ABCA13: variants seen among roughly 807,000 people sequenced by gnomAD.
The protein encoded by ABCA13 is ATP-binding cassette sub-family A member 13.
A neutral mutation model predicts 478.7 loss-of-function variants in ABCA13; 476 were observed. The ratio of observed to expected loss-of-function variants is 0.99; its 90% CI spans 0.92 to 1.07. ABCA13 has a LOEUF of 1.07. Among genes scored for constraint, ABCA13 ranks in the 50% least tolerant of loss-of-function variants. The probability of loss-of-function intolerance (pLI) is 0.00; values close to 1 mark genes in which losing one functional copy is unlikely to be tolerated. For missense variants in ABCA13, 6,060 were observed against 5,910.6 expected, an observed-to-expected ratio of 1.03 and a Z score of -0.83; for synonymous variants, 2,252 against 2,158.9, an observed-to-expected ratio of 1.04 and a Z score of -1.20.
At chr7:48,334,126 C>CGT (rs1463968064) in intron 27 of ABCA13, among the ~76,000 whole-genome samples, 8 of 151,876 alleles carry the variant, frequency 5.3e-5, no homozygotes, top group East Asian at 1.9e-4. Context: ...TGTGTGTGTA[C>CGT]GTGTGTGTGT....
chr7:48,362,837 T>C (rs1374862334), intron 31 of ABCA13, among the ~76,000 whole-genome samples: 1 of 152,108 alleles, frequency 6.6e-6, no homozygotes, highest in Non-Finnish European at 1.5e-5. Flanking sequence ...AATGTTGCCT[T>C]TTGTACTGTT....
chr7:48,635,546 T>G (rs1794565456), intron 59 of ABCA13, among the ~76,000 whole-genome samples: 1 of 152,180 alleles, frequency 6.6e-6, no homozygotes, highest in Admixed American at 6.5e-5. Flanking sequence ...ATTTAAAGCC[T>G]CTGTCTAATG....
chr7:48,465,772 A>G (rs1461074501), intron 43 of ABCA13, among the ~76,000 whole-genome samples: 2 of 151,918 alleles, frequency 1.3e-5, no homozygotes, highest in East Asian at 3.9e-4. Flanking sequence ...GTGCTATCGA[A>G]CACTAGTACC....
Position 48,273,376 on chromosome 7 carries a change from C to T in ABCA13, c.3710C>T (p.Ala1237Val). ...CTGGATCTCAGGGATTTTTTGGTAG[C>T]TTTAGGTAATGCATTAGTTTCAGTA... is the stretch of plus-strand genomic sequence containing the variant. ...DFLDLRDFLV[A>V]LGNALVSVKK... Residue 1237 changes from alanine (A) to valine (V), a missense_variant, in exon 17 of 62, where the codon GCT becomes GTT. Around this residue, in one of 3 missense-constraint regions of ABCA13, gnomAD observed 4,423 missense variants for 4,309.1 expected, o/e 1.03. Transcript: ENST00000435803. 1.2e-6 allele frequency: 2 copies of T among 1,613,578 alleles called. No individual in the cohort carries two copies. The highest frequency in any genetic ancestry group is 1.7e-6 in the Non-Finnish European group (2 of 1,179,720).
chr7:48,194,978 T>C (rs1210572880), intron 2 of ABCA13, among the ~76,000 whole-genome samples: 1 of 152,178 alleles, frequency 6.6e-6, no homozygotes, highest in Non-Finnish European at 1.5e-5. Flanking sequence ...TATTAGACTG[T>C]AGTGGGAAAA....
At chr7:48,553,769 A>C (rs1785532972) in intron 55 of ABCA13, among the ~76,000 whole-genome samples, 1 of 151,684 alleles carries the variant, frequency 6.6e-6, no homozygotes, top group African/African-American at 2.4e-5. Context: ...CTGTCTCTTC[A>C]CTTTGTTGGT....
rs955330247 is a variant in ABCA13 at position 48,618,674 on chromosome 7, C to G, written c.14837+3297C>G. ...GAAATAGGGCAAGCAGGCCTAGGATCTGCTACTTTGAATAACTTTAGTGGG... is the reference window on the plus strand; with the variant it reads ...GAAATAGGGCAAGCAGGCCTAGGATGTGCTACTTTGAATAACTTTAGTGGG... On this transcript the variant is annotated intron_variant, in intron 59 of 61. Coordinates refer to ENST00000435803, the MANE Select transcript of ABCA13 (RefSeq NM_152701.5). Among the ~76,000 whole-genome samples the G allele has an allele frequency of 3.9e-5, 6 of 152,214 alleles. No homozygotes were observed. The East Asian group carries it at 1.2e-3, about 29-fold the overall frequency.
chr7:48,251,711 T>C (rs912741245), intron 15 of ABCA13, among the ~76,000 whole-genome samples: 1 of 152,034 alleles, frequency 6.6e-6, no homozygotes, highest in African/African-American at 2.4e-5. Context: ...ATTATTTTCT[T>C]TCTTCTAGTA....
chr7:48,367,313 T>C (rs1382809532), intron 31 of ABCA13, among the ~76,000 whole-genome samples: 2 of 152,194 alleles, frequency 1.3e-5, no homozygotes, highest in South Asian at 2.1e-4. Context: ...TTCAAGTGTA[T>C]ATTAGAAATG....
At chr7:48,399,736 A>G (rs1016399434) in intron 38 of ABCA13, among the ~76,000 whole-genome samples, 2 of 152,198 alleles carry the variant, frequency 1.3e-5, no homozygotes, top group African/African-American at 4.8e-5. Flanking sequence ...GACAACAGCA[A>G]TGACAACAAC....
At chr7:48,546,923 T>G (rs1275836492) in intron 55 of ABCA13, among the ~76,000 whole-genome samples, 6 of 151,726 alleles carry the variant, frequency 4.0e-5, no homozygotes, top group African/African-American at 7.2e-5. Context: ...CCTCACCAAC[T>G]AGCAACTAGT....
At chr7:48,395,461 C>A (rs1816714040) in intron 38 of ABCA13, among the ~76,000 whole-genome samples, 1 of 152,216 alleles carries the variant, frequency 6.6e-6, no homozygotes, top group African/African-American at 2.4e-5. Flanking sequence ...TCTTGAACAA[C>A]ACAGGTTTGA....
chr7:48,582,535 A>G (rs1265432775), intron 56 of ABCA13, among the ~76,000 whole-genome samples: 1 of 152,140 alleles, frequency 6.6e-6, no homozygotes, highest in Non-Finnish European at 1.5e-5. Context: ...TCAGGCTGCC[A>G]TCTATTTTCA....
Position 48,435,723 on chromosome 7 carries a change from A to C in ABCA13, c.12565+7852A>C, listed in dbSNP as rs182687747. Among the ~76,000 whole-genome samples, 87 of 151,864 alleles carry C rather than the reference A, an allele frequency of 5.7e-4. 2 individuals carry two copies. The highest frequency in any genetic ancestry group is 2.0e-3 in the African/African-American group (82 of 41,532). On this transcript the variant is annotated intron_variant, in intron 42 of 61. Coordinates refer to ENST00000435803, the MANE Select transcript of ABCA13 (RefSeq NM_152701.5). ...TAGTTTGTTAAGTGTTTTTATCATA[A>C]CAAAGTGCTGAATTTTGTAAAAGTT...
intron 3 of ABCA13, among the ~76,000 whole-genome samples, chr7:48,213,009 G>A (rs1479768284): frequency 1.3e-5 from 2 of 151,928 alleles, no homozygotes; most frequent in African/African-American, 2.4e-5. Flanking sequence ...TATTTTTGAA[G>A]ATTGTTCAGA....
intron 59 of ABCA13, chr7:48,626,533 A>G (rs368303561): frequency 1.2e-6 from 1 of 845,726 alleles, no homozygotes; most frequent in Non-Finnish European, 1.4e-6. Context: ...ATAATGGAGG[A>G]ACAAAGGGAA....
In ABCA13 at chr7:48,516,776, G is replaced by A. The variant is rs371594909; in HGVS notation, c.13692G>A (p.Ser4564=). 160 of 1,613,690 alleles carry A rather than the reference G, an allele frequency of 9.9e-5. 1 individual carries two copies. The Admixed American group carries it at 1.2e-3, about 12-fold the overall frequency. ...TGATGTCCAGAATCTTTTCCAGTTC[G>A]GACGTGGCTTTCATTTCCTATGTCT... ...MYLMSRIFSS[S]DVAFISYVSL... Residue 4564 remains serine (S), a synonymous_variant, in exon 52 of 62, where the codon TCG becomes TCA. Transcript: ENST00000435803.
intron 3 of ABCA13, among the ~76,000 whole-genome samples, chr7:48,212,918 T>C (rs1185782716): frequency 1.3e-5 from 2 of 152,288 alleles, no homozygotes; most frequent in Non-Finnish European, 1.5e-5. Flanking sequence ...AGGGTTATTT[T>C]GATAAAATAT....
rs1826789880 is a variant in ABCA13, at chr7:48,465,610, T to TATACA, written c.12816-1346_12816-1345insATACA. 1.3e-5 allele frequency among the ~76,000 whole-genome samples: 2 copies of TATACA among 151,858 alleles called. 1 individual carries two copies. Among genetic ancestry groups the TATACA allele is most frequent in the South Asian group, 4.2e-4 (2 of 4,804 alleles). On this transcript the variant is annotated intron_variant, in intron 43 of 61. Coordinates refer to ENST00000435803, the MANE Select transcript of ABCA13 (RefSeq NM_152701.5). ...ATATTTATGGGGTACATGTGATATT[T>TATACA]TGATACATGCGTACGATGTATAATA...
Sources: allele counts gnomAD v4.1 joint callset (sites outside exome capture counted in the v4.1 genomes callset), GRCh38; gene constraint gnomAD v4.1.1; regional missense constraint gnomAD v4.1.1; transcripts MANE v1.5; gene names NCBI Gene and HGNC (gene_info 2026-07-23, HGNC 2026-07-21).